Variants in ATP13A1 observed in about 807,000 individuals in gnomAD.
ATP13A1 encodes the protein endoplasmic reticulum transmembrane helix translocase.
A neutral mutation model predicts 134.8 loss-of-function variants in ATP13A1; 55 were observed. The observed-to-expected ratio is 0.41, with a 90% CI of 0.33 to 0.51. ATP13A1 has a LOEUF of 0.51. Among genes scored for constraint, ATP13A1 ranks in the 20% least tolerant of loss-of-function variants. The pLI is 0.29. For synonymous variants in ATP13A1, 775 were observed against 725.1 expected, an observed-to-expected ratio of 1.07 and a Z score of -1.10; for missense variants, 1,389 against 1,652.8, an observed-to-expected ratio of 0.84 and a Z score of 2.77.
At chr19:19,657,453 G>A in intron 3 of ATP13A1, 45 bp from the exon 4 acceptor site, 3 of 1,534,342 alleles carry the variant, frequency 2.0e-6, no homozygotes, top group East Asian at 2.5e-5. Flanking sequence ...CAAGGCCTCT[G>A]GGGTATGGAG....
chr19:19,656,267 G>A lies in ATP13A1; in HGVS notation c.1084-84C>T. Reference sequence around the variant, plus strand: ...GAGTTCCTGGACAGCTGGACCTTGAGGCTGGAATGAGCCAGGGGGATCCCC... The same window carrying A: ...GAGTTCCTGGACAGCTGGACCTTGAAGCTGGAATGAGCCAGGGGGATCCCC... On this transcript the variant is annotated intron_variant, in intron 7 of 25. Coordinates refer to ENST00000357324, the MANE Select transcript of ATP13A1 (RefSeq NM_020410.3). The surrounding 1 kb of genome is among the most constrained non-coding windows in gnomAD (Gnocchi z 4.6). 2.0e-6 allele frequency: 3 copies of A among 1,522,348 alleles called. No individual in the cohort carries two copies. Among genetic ancestry groups the A allele is most frequent in the Admixed American group, 4.0e-5 (2 of 49,510 alleles). The allele number at this position is 1,522,348 out of a possible 1,614,324, so 94.3% of individuals were successfully genotyped here. A position where few individuals can be genotyped will look rare whatever the true frequency, so the allele number is the denominator to read the frequency against.
chr19:19,649,849 C>T lies in ATP13A1; in HGVS notation c.2427G>A (p.Leu809=), dbSNP rs1360772424. ...SPKALALEYA[L]CLTGDGLAHL... ...GGGCCAAGCCGTCGCCTGTGAGGCA[C>T]AGTGCGTACTCCAGGGCCAGTGCCT... is the stretch of plus-strand genomic sequence containing the variant. The change falls in exon 18 of 26, where the codon CTG becomes CTA. Residue 809 remains leucine (L), a synonymous_variant. Coordinates refer to ENST00000357324, the MANE Select transcript of ATP13A1 (RefSeq NM_020410.3). The T allele has an allele frequency of 6.2e-7, 1 of 1,604,072 alleles. No homozygotes were observed. Among genetic ancestry groups the T allele is most frequent in the East Asian group, 2.2e-5 (1 of 44,858 alleles).
rs1332320550 is a variant in ATP13A1 at position 19,653,876 on chromosome 19, C to T, written c.2008G>A (p.Asp670Asn). 1.0e-5 allele frequency: 16 copies of T among 1,566,674 alleles called. No homozygotes were observed. Among genetic ancestry groups the T allele is most frequent in the East Asian group, 2.4e-5 (1 of 42,022 alleles). Reference sequence around the variant, plus strand: ...ATCTCGGTGTGGATGTGGTGGTAGTCGGGCGGGCACTGGGAGAACTGCAGG... The same window carrying T: ...ATCTCGGTGTGGATGTGGTGGTAGTTGGGCGGGCACTGGGAGAACTGCAGG... The part of the protein sequence containing the change: ...LHSMFSQCPP[D>N]YHHIHTEISR... Residue 670 changes from aspartate (D) to asparagine (N), a missense_variant, in exon 15 of 26, where the codon GAC (aspartate) becomes AAC (asparagine). Transcript: ENST00000357324. The surrounding 1 kb of genome is among the most constrained non-coding windows in gnomAD (Gnocchi z 4.2).
chr19:19,652,465 G>A, intron 16 of ATP13A1, 130 bp downstream of exon 16: 1 of 1,335,682 alleles, frequency 7.5e-7, no homozygotes, highest in South Asian at 1.4e-5. Flanking sequence ...TAGCACCTGA[G>A]CTATGATCTT....
Position 19,653,881 on chromosome 19 carries a change from G to A in ATP13A1, c.2003C>T (p.Pro668Leu), listed in dbSNP as rs1839446198. 10 of 1,567,168 alleles carry A rather than the reference G, an allele frequency of 6.4e-6. No homozygotes were observed. The highest frequency in any genetic ancestry group is 1.9e-5 in the Admixed American group (1 of 52,458). Residue 668 changes from proline (P) to leucine (L), a missense_variant, in exon 15 of 26, where the codon CCG becomes CTG. Coordinates refer to ENST00000357324, the MANE Select transcript of ATP13A1 (RefSeq NM_020410.3). The surrounding 1 kb of genome is among the most constrained non-coding windows in gnomAD (Gnocchi z 4.2). ...ETLHSMFSQC[P>L]PDYHHIHTEI... ...GGTGTGGATGTGGTGGTAGTCGGGC[G>A]GGCACTGGGAGAACTGCAGGGAATG...
chr19:19,649,013 T>C (rs1280307959), intron 19 of ATP13A1, among the ~76,000 whole-genome samples: 1 of 151,762 alleles, frequency 6.6e-6, no homozygotes, highest in Non-Finnish European at 1.5e-5. Flanking sequence ...TCCCAGCTAT[T>C]TGGGAGGCTG....
At position 19,659,968 on chromosome 19, in the gene ATP13A1, G is replaced by A. The variant is rs143310747; in HGVS notation, c.416C>T (p.Ala139Val). Residue 139 changes from alanine (A) to valine (V), a missense_variant, in exon 2 of 26, where the codon GCG (alanine) becomes GTG (valine). Physicochemically the swap from Ala to Val is moderately conservative, Grantham distance 64 (BLOSUM62 0). This residue lies in a region of ATP13A1 where 293 missense variants were observed against 270.8 expected (regional missense o/e 1.08). Transcript: ENST00000357324. ...GGTTGGCACCACCTTCACAAAGGTC[G>A]CTTTGCTGGGGTCGTACTCCTGACA... ...TCTPEYDPSKATFVKVVPTPN... is the reference protein window; with the variant it reads ...TCTPEYDPSKVTFVKVVPTPN... The A allele has an allele frequency of 2.1e-4, 329 of 1,575,684 alleles. No individual in the cohort carries two copies. The Middle Eastern group carries it at 5.6e-3, about 27-fold the overall frequency.
Position 19,657,284 on chromosome 19 carries a change from A to G in ATP13A1, c.750+52T>C. On this transcript the variant is annotated intron_variant, in intron 4 of 25. Coordinates refer to ENST00000357324, the MANE Select transcript of ATP13A1 (RefSeq NM_020410.3). ...AGTGGTGGGCAGGCTTGATCCGGTTAGGAAAGCCCCAAGGGAGGAAATGGG... is the reference window on the plus strand; with the variant it reads ...AGTGGTGGGCAGGCTTGATCCGGTTGGGAAAGCCCCAAGGGAGGAAATGGG... The G allele has an allele frequency of 2.6e-6, 4 of 1,535,844 alleles. No individual in the cohort carries two copies. The South Asian group carries it at 4.9e-5, about 19-fold the overall frequency.
Position 19,663,569 on chromosome 19 carries a change from C to T in ATP13A1, c.98G>A (p.Arg33His). ...CGCCGGCCCGGCGGCAAGGAGCGCG[C>T]GCGGCTGCGGCCCGGGCTTGGGCTG... The part of the protein sequence containing the change: ...DGQPKPGPQP[R>H]ALLAAGPALI... Residue 33 changes from arginine to histidine, a missense_variant, in exon 1 of 26, where the codon CGC (arginine) becomes CAC (histidine). By Grantham distance (29) the Arg-to-His change is conservative. This residue lies in a region of ATP13A1 where 293 missense variants were observed against 270.8 expected (regional missense o/e 1.08). Transcript: ENST00000357324. 1 of 1,503,450 alleles carries T rather than the reference C, an allele frequency of 6.7e-7. No individual in the cohort carries two copies. Among genetic ancestry groups the T allele is most frequent in the African/African-American group, 1.4e-5 (1 of 69,238 alleles). The allele number at this position is 1,503,450 out of a possible 1,614,324, so 93.1% of individuals were successfully genotyped here.
chr19:19,646,969 C>CCACA, intron 22 of ATP13A1, 160 bp downstream of exon 22: 1 of 806,230 alleles, frequency 1.2e-6, no homozygotes, highest in East Asian at 2.7e-5. Flanking sequence ...GAGCCTCAGT[C>CCACA]CACACCTGCC....
Position 19,663,600 on chromosome 19 carries a change from C to CAGGCCGGACCCCGCA in ATP13A1, c.52_66dup (p.Cys18_Pro22dup), listed in dbSNP as rs1294286191. 2.8e-6 allele frequency: 4 copies of CAGGCCGGACCCCGCA among 1,422,750 alleles called. No homozygotes were observed. Among genetic ancestry groups the CAGGCCGGACCCCGCA allele is most frequent in the Non-Finnish European group, 3.6e-6 (4 of 1,099,530 alleles). 88.1% of individuals were successfully genotyped at this position (1,422,750 alleles called of 1,614,324 possible). On this transcript the variant is annotated inframe_insertion, in exon 1 of 26. Coordinates refer to ENST00000357324, the MANE Select transcript of ATP13A1 (RefSeq NM_020410.3). ...TGCGGCCCGGGCTTGGGCTGCCCGT[C>CAGGCCGGACCCCGCA]AGGCCGGACCCCGCAAGGCCGGGCC...
At chr19:19,652,786 G>A in intron 15 of ATP13A1, 66 bp from the exon 16 acceptor site, 1 of 1,527,990 alleles carries the variant, frequency 6.5e-7, no homozygotes, top group Non-Finnish European at 8.8e-7. Context: ...CATTTCCTGA[G>A]CTCTGACCAT....
At position 19,649,763 on chromosome 19, in the gene ATP13A1, G is replaced by T. The variant is rs1348032868; in HGVS notation, c.2513C>A (p.Ala838Asp). Reference sequence around the variant, plus strand: ...TACCTTCTGCTTGGGAGCCACACGGGCGAACACCTGCACATGGGGGATGAG... The same window carrying T: ...TACCTTCTGCTTGGGAGCCACACGGTCGAACACCTGCACATGGGGGATGAG... Reference protein sequence around the residue: ...LRLIPHVQVFARVAPKQKEFV... With the variant: ...LRLIPHVQVFDRVAPKQKEFV... Residue 838 changes from alanine (A) to aspartate (D), a missense_variant, in exon 18 of 26, where the codon GCC (alanine) becomes GAC (aspartate). Physicochemically the swap from Ala to Asp is moderately radical, Grantham distance 126. Coordinates refer to ENST00000357324, the MANE Select transcript of ATP13A1 (RefSeq NM_020410.3). 1 of 1,600,798 alleles carries T rather than the reference G, an allele frequency of 6.2e-7. No homozygotes were observed. The highest frequency in any genetic ancestry group is 8.5e-7 in the Non-Finnish European group (1 of 1,173,652).
intron 3 of ATP13A1, among the ~76,000 whole-genome samples, chr19:19,658,149 CA>C (rs61328844): frequency 0.039 from 2,556 of 66,358 alleles, 11 homozygotes; most frequent in African/African-American, 0.046. Flanking sequence ...ACCCTGTCTC[CA>C]AAAAAAAAAA....
Position 19,655,806 on chromosome 19 carries a change from G to A in ATP13A1, c.1269+72C>T. On this transcript the variant is annotated intron_variant, in intron 9 of 25. Coordinates refer to ENST00000357324, the MANE Select transcript of ATP13A1 (RefSeq NM_020410.3). The surrounding 1 kb of genome is among the most constrained non-coding windows in gnomAD (Gnocchi z 5.7). ...GTCAGCCCGTGGGGCAGATGTTCTG[G>A]GGTCGGAAAGGGCTGATACCTTGGC... is the stretch of plus-strand genomic sequence containing the variant. 6.5e-7 allele frequency: 1 copy of A among 1,537,292 alleles called. No individual in the cohort carries two copies. The highest frequency in any genetic ancestry group is 8.7e-7 in the Non-Finnish European group (1 of 1,144,082).
At chr19:19,660,071 A>G in intron 1 of ATP13A1, 84 bp from the exon 2 acceptor site, 1 of 1,145,114 alleles carries the variant, frequency 8.7e-7, no homozygotes, top group Non-Finnish European at 1.2e-6. Flanking sequence ...TGGGTGCAGC[A>G]GCTCTATGGG....
rs747941384 is a variant in ATP13A1, at chr19:19,656,963, C to T, written c.906+31G>A. ...GCACAGAAGCCGCACCTGTGCTGCA[C>T]CCCCAACCTGGGTCTCCCTGGCAGC... is the stretch of plus-strand genomic sequence containing the variant. On this transcript the variant is annotated intron_variant, in intron 5 of 25. Coordinates refer to ENST00000357324, the MANE Select transcript of ATP13A1 (RefSeq NM_020410.3). The surrounding 1 kb of genome is among the most constrained non-coding windows in gnomAD (Gnocchi z 4.6). 123 of 1,604,354 alleles carry T rather than the reference C, an allele frequency of 7.7e-5. No homozygotes were observed. Among genetic ancestry groups the T allele is most frequent in the Admixed American group, 2.0e-4 (12 of 58,692 alleles).
At chr19:19,650,167 C>A (rs1000150060) in intron 17 of ATP13A1, 8 of 589,876 alleles carry the variant, frequency 1.4e-5, no homozygotes, top group Non-Finnish European at 2.1e-5. Context: ...GCCTGAGAGC[C>A]CGGGACACAG....
rs764712020 is a variant in ATP13A1 at position 19,656,631 on chromosome 19, C to T, written c.1083+29G>A. On this transcript the variant is annotated intron_variant, in intron 7 of 25. Transcript: ENST00000357324. The surrounding 1 kb of genome is among the most constrained non-coding windows in gnomAD (Gnocchi z 4.6). ...TCCTGGCCTGTTTCCTCCTGAACAG[C>T]TTGAGGATCCCCATCCTCCACCAAG... 3.7e-6 allele frequency: 6 copies of T among 1,602,612 alleles called. No individual in the cohort carries two copies. Among genetic ancestry groups the T allele is most frequent in the Non-Finnish European group, 5.1e-6 (6 of 1,173,450 alleles).
Sources: allele counts gnomAD v4.1 joint callset (sites outside exome capture counted in the v4.1 genomes callset), GRCh38; gene constraint gnomAD v4.1.1; regional missense constraint gnomAD v4.1.1; non-coding constraint Gnocchi (gnomAD v3.1); transcripts MANE v1.5; gene names NCBI Gene and HGNC (gene_info 2026-07-23, HGNC 2026-07-21).